Variants in ZMYND11 observed in about 807,000 individuals in gnomAD.
ZMYND11 encodes the protein zinc finger MYND-type containing 11.
A neutral mutation model predicts 84.9 loss-of-function variants in ZMYND11; 9 were observed. That is an observed-to-expected ratio of 0.11 (90% CI 0.06 to 0.18). The LOEUF (loss-of-function observed/expected upper bound fraction) is 0.18. Ranked by LOEUF, ZMYND11 falls within the 10% of genes least tolerant of loss-of-function variation. The probability of loss-of-function intolerance (pLI) is 1.00; values close to 1 mark genes in which losing one functional copy is unlikely to be tolerated. For synonymous variants in ZMYND11, 250 were observed against 244.1 expected, an observed-to-expected ratio of 1.02 and a Z score of -0.23; for missense variants, 409 against 761.0, an observed-to-expected ratio of 0.54 and a Z score of 5.44.
intron 2 of ZMYND11, among the ~76,000 whole-genome samples, chr10:189,769 G>C (rs183579702): frequency 6.6e-6 from 1 of 152,182 alleles, no homozygotes; most frequent in Non-Finnish European, 1.5e-5. Context: ...TAATAAGGCG[G>C]TAGTACCAAA....
intron 2 of ZMYND11, among the ~76,000 whole-genome samples, chr10:199,425 A>T (rs1417716326): frequency 6.6e-6 from 1 of 151,808 alleles, no homozygotes; most frequent in African/African-American, 2.4e-5. Flanking sequence ...ATACACTGTG[A>T]GCATTTTCTC....
At chr10:217,248 T>C (rs1946331403) in intron 3 of ZMYND11, among the ~76,000 whole-genome samples, 1 of 152,192 alleles carries the variant, frequency 6.6e-6, no homozygotes, top group East Asian at 1.9e-4. Context: ...ATAGAAGCAT[T>C]GTGGGCTGGG....
chr10:153,267 T>A (rs1343893373), intron 1 of ZMYND11, among the ~76,000 whole-genome samples: 1 of 152,226 alleles, frequency 6.6e-6, no homozygotes, highest in African/African-American at 2.4e-5. Context: ...CTCGTTAAAT[T>A]TAGCATGGAC....
chr10:142,180 C>G (rs934329988), intron 1 of ZMYND11, among the ~76,000 whole-genome samples: 6 of 152,228 alleles, frequency 3.9e-5, no homozygotes, highest in African/African-American at 1.4e-4. Flanking sequence ...TGGTCACTGC[C>G]ACCTCCACTT....
intron 1 of ZMYND11, among the ~76,000 whole-genome samples, chr10:160,339 A>T (rs1250404227): frequency 6.6e-6 from 1 of 152,218 alleles, no homozygotes; most frequent in Non-Finnish European, 1.5e-5. Flanking sequence ...TTTATTGCTA[A>T]AAATGTTAAC....
chr10:169,260 G>A (rs145682752), intron 1 of ZMYND11, among the ~76,000 whole-genome samples: 25 of 152,198 alleles, frequency 1.6e-4, no homozygotes, highest in African/African-American at 5.8e-4. Flanking sequence ...CAGTCCAGTG[G>A]CACAGGCTGT....
chr10:229,847 G>A (rs1429775015), intron 4 of ZMYND11, among the ~76,000 whole-genome samples: 1 of 152,124 alleles, frequency 6.6e-6, no homozygotes, highest in African/African-American at 2.4e-5. Context: ...TAAATTATGT[G>A]TAATTCCTTT....
rs560276933 is a variant in ZMYND11, at chr10:250,290, A to G, written c.1686+1202A>G. ...TGAATTTGTGTGATCAACTCTCACA[A>G]TATCATTAGATGGGAATTAAGGTGT... On this transcript the variant is annotated intron_variant, in intron 14 of 14. Coordinates refer to ENST00000381604, the MANE Select transcript of ZMYND11 (RefSeq NM_001370100.5). 9.8e-5 allele frequency among the ~76,000 whole-genome samples: 15 copies of G among 152,342 alleles called. No individual in the cohort carries two copies. The South Asian group carries it at 2.9e-3, about 29-fold the overall frequency.
Position 246,823 on chromosome 10 carries a change from C to G in ZMYND11, c.1008C>G (p.His336Gln), listed in dbSNP as rs150625727. Residue 336 changes from histidine (H) to glutamine (Q), a missense_variant, in exon 11 of 15, where the codon CAC becomes CAG. His to Gln is a conservative substitution (Grantham distance 24). Transcript: ENST00000381604. The part of the protein sequence containing the change: ...QDITVNIHRL[H>Q]VKRSMGWKKA... ...TCACAGTCAACATTCATCGGCTGCA[C>G]GTGAAGCGCAGTATGGGTTGGAAAA... 1 of 1,613,970 alleles carries G rather than the reference C, an allele frequency of 6.2e-7. No homozygotes were observed. The highest frequency in any genetic ancestry group is 8.5e-7 in the Non-Finnish European group (1 of 1,180,036).
At chr10:165,956 A>C (rs572548441) in intron 1 of ZMYND11, among the ~76,000 whole-genome samples, 1 of 152,144 alleles carries the variant, frequency 6.6e-6, no homozygotes, top group Non-Finnish European at 1.5e-5. Flanking sequence ...AAACCCATAC[A>C]TCTATGGCTG....
chr10:187,020 G>C (rs893140953), intron 2 of ZMYND11, among the ~76,000 whole-genome samples: 1 of 152,050 alleles, frequency 6.6e-6, no homozygotes, highest in African/African-American at 2.4e-5. Context: ...TTGAGAGTAG[G>C]AGTTTGAGAA....
At chr10:143,263 A>G (rs1288924266) in intron 1 of ZMYND11, among the ~76,000 whole-genome samples, 1 of 152,194 alleles carries the variant, frequency 6.6e-6, no homozygotes, top group Non-Finnish European at 1.5e-5. Flanking sequence ...TCATCCTGAC[A>G]CTCAGCAGTG....
intron 1 of ZMYND11, among the ~76,000 whole-genome samples, chr10:176,371 G>A (rs1846626722): frequency 6.6e-6 from 1 of 152,002 alleles, no homozygotes; most frequent in South Asian, 2.1e-4. Flanking sequence ...GCAGAACAAA[G>A]ATTGAAGACT....
At chr10:226,134 A>G (rs1031951567) in intron 4 of ZMYND11, among the ~76,000 whole-genome samples, 2 of 152,204 alleles carry the variant, frequency 1.3e-5, no homozygotes, top group African/African-American at 4.8e-5. Flanking sequence ...TGATCTCTTG[A>G]GAGTGCCTGG....
chr10:179,991 C>A lies in ZMYND11; in HGVS notation c.-19-3C>A. The A allele has an allele frequency of 6.4e-7, 1 of 1,558,656 alleles. No homozygotes were observed. Among genetic ancestry groups the A allele is most frequent in the Non-Finnish European group, 8.8e-7 (1 of 1,136,508 alleles). Reference sequence around the variant, plus strand: ...TCCCTTATGTTTTTGTTTATTACTGCAGCTAAAGAAGTAAACAGGTCATGG... The same window carrying A: ...TCCCTTATGTTTTTGTTTATTACTGAAGCTAAAGAAGTAAACAGGTCATGG... On this transcript the variant is annotated splice_polypyrimidine_tract_variant and splice_region_variant and intron_variant, in intron 1 of 14. Transcript: ENST00000381604.
At position 252,443 on chromosome 10, in the gene ZMYND11, C is replaced by T; in HGVS notation, c.1782C>T (p.His594=). The T allele has an allele frequency of 6.2e-7, 1 of 1,613,022 alleles. No individual in the cohort carries two copies. Among genetic ancestry groups the T allele is most frequent in the Non-Finnish European group, 8.5e-7 (1 of 1,179,980 alleles). The change falls in exon 15 of 15, where the codon CAC becomes CAT. Residue 594 remains histidine (H), a synonymous_variant. Transcript: ENST00000381604. The surrounding 1 kb of genome is among the most constrained non-coding windows in gnomAD (Gnocchi z 4.6). The stretch of plus-strand genomic sequence containing the variant: ...AGCAGGAGCACTGGCACGCGGAGCA[C>T]AAGCGCACCTGCCGCCGGAAAAGAT... ...KCQQEHWHAE[H]KRTCRRKR
intron 7 of ZMYND11, among the ~76,000 whole-genome samples, chr10:239,800 T>TAATTC (rs1051559720): frequency 6.6e-6 from 1 of 152,322 alleles, no homozygotes; most frequent in Non-Finnish European, 1.5e-5. Flanking sequence ...GCACTATGAT[T>TAATTC]AATTCTGATC....
At chr10:158,622 T>C (rs557165366) in intron 1 of ZMYND11, among the ~76,000 whole-genome samples, 159 of 149,810 alleles carry the variant, frequency 1.1e-3, no homozygotes, top group African/African-American at 3.5e-3. Flanking sequence ...GGTTTCACCA[T>C]GTTGGCCAGG....
intron 1 of ZMYND11, among the ~76,000 whole-genome samples, chr10:155,752 T>C (rs1230277418): frequency 1.3e-5 from 2 of 152,220 alleles, no homozygotes; most frequent in East Asian, 3.8e-4. Context: ...AGCCATAATA[T>C]TTATAATTTA....
Sources: gnomAD v4.1 joint callset for allele counts (sites outside exome capture counted in the v4.1 genomes callset) on GRCh38, gnomAD v4.1.1 for gene constraint, Gnocchi (gnomAD v3.1) non-coding constraint, MANE v1.5 for transcripts, NCBI Gene and HGNC (gene_info 2026-07-23, HGNC 2026-07-21) for gene names.